The following LPP variants were observed in gnomAD, a reference collection of about 807,000 sequenced individuals.
The protein encoded by LPP is LIM domain containing preferred translocation partner in lipoma, also known as lipoma-preferred partner.
In LPP, 38 loss-of-function variants were observed where a neutral mutation model predicts 60.4. The observed-to-expected ratio is 0.63, with a 90% CI of 0.49 to 0.83. The LOEUF is 0.83. Ranked by LOEUF, LPP falls within the 40% of genes least tolerant of loss-of-function variation. The pLI is 0.00. For synonymous variants in LPP, 328 were observed against 290.8 expected, an observed-to-expected ratio of 1.13 and a Z score of -1.30; for missense variants, 902 against 783.6, an observed-to-expected ratio of 1.15 and a Z score of -1.80.
In LPP at chr3:188,764,674, T is replaced by C. The variant is rs190516796; in HGVS notation, c.1410+4392T>C. ...ACAGCCTTACTCATAAGTATAGTTT[T>C]AGAAAAAGAATTGCTGTTTTATTCC... is the stretch of plus-strand genomic sequence containing the variant. On this transcript the variant is annotated intron_variant, in intron 9 of 11. Transcript: ENST00000617246. Among the ~76,000 whole-genome samples the C allele has an allele frequency of 1.5e-3, 233 of 152,310 alleles. 1 individual carries two copies. The highest frequency in any genetic ancestry group is 5.2e-3 in the African/African-American group (215 of 41,566).
At chr3:188,774,431 C>G in intron 9 of LPP, among the ~76,000 whole-genome samples, 1 of 29,866 alleles carries the variant, frequency 3.3e-5, no homozygotes, top group South Asian at 2.0e-3. Flanking sequence ...GGAGCAAACT[C>G]ATTTTTTTTT....
Position 188,314,022 on chromosome 3 carries a change from AT to A in LPP, c.-66-27633del, listed in dbSNP as rs925449893. 5.9e-5 allele frequency among the ~76,000 whole-genome samples: 9 copies of A among 152,012 alleles called. 1 individual carries two copies. The highest frequency in any genetic ancestry group is 2.0e-4 in the Admixed American group (3 of 15,256). ...TCATTATTTGAATAATTTTAGATAA[AT>A]TTTTTTTGAGTTTCTAGTTAAGTAA... On this transcript the variant is annotated intron_variant, in intron 2 of 11. Coordinates refer to ENST00000617246, the MANE Select transcript of LPP (RefSeq NM_001375462.1).
At chr3:188,518,951 G>A (rs964728520) in intron 5 of LPP, among the ~76,000 whole-genome samples, 1 of 151,870 alleles carries the variant, frequency 6.6e-6, no homozygotes, top group Non-Finnish European at 1.5e-5. Context: ...CCTTGAAACC[G>A]AAATGAATAC....
intron 2 of LPP, among the ~76,000 whole-genome samples, chr3:188,318,355 T>C (rs1290555590): frequency 6.6e-6 from 1 of 151,348 alleles, no homozygotes; most frequent in African/African-American, 2.4e-5. Context: ...ACGTGGTTTC[T>C]ATGACACTCA....
At chr3:188,290,424 C>T (rs1006734913) in intron 2 of LPP, among the ~76,000 whole-genome samples, 3 of 152,080 alleles carry the variant, frequency 2.0e-5, no homozygotes, top group African/African-American at 7.2e-5. Flanking sequence ...AATGGGCTTA[C>T]ATCATAGGGT....
At chr3:188,489,505 G>C (rs1012937583) in intron 5 of LPP, among the ~76,000 whole-genome samples, 1 of 152,204 alleles carries the variant, frequency 6.6e-6, no homozygotes, top group Non-Finnish European at 1.5e-5. Context: ...AGAGCTCAAA[G>C]TAAGTGTGGT....
chr3:188,828,632 A>AAAAAAAAAAAAAAAAAAC (rs1756291022), intron 9 of LPP, among the ~76,000 whole-genome samples: 4 of 147,894 alleles, frequency 2.7e-5, no homozygotes, highest in Admixed American at 2.0e-4. Flanking sequence ...AAAAAAAAAA[A>AAAAAAAAAAAAAAAAAAC]AAAAAAAACT....
chr3:188,735,408 T>C (rs1235809402), intron 8 of LPP, among the ~76,000 whole-genome samples: 1 of 152,016 alleles, frequency 6.6e-6, no homozygotes, highest in Non-Finnish European at 1.5e-5. Context: ...TGAGACGAAG[T>C]CTTGCTCTCA....
chr3:188,163,539 T>C (rs999617248), intron 1 of LPP, among the ~76,000 whole-genome samples: 3 of 152,018 alleles, frequency 2.0e-5, no homozygotes, highest in Non-Finnish European at 4.4e-5. Context: ...TACTTATAGG[T>C]GAATATTGAG....
intron 7 of LPP, among the ~76,000 whole-genome samples, chr3:188,682,594 G>A (rs1228240999): frequency 1.3e-5 from 2 of 152,174 alleles, no homozygotes; most frequent in East Asian, 3.9e-4. Context: ...TGGAGAGCAG[G>A]CATTTCAGGA....
chr3:188,659,485 G>A (rs73196721), intron 7 of LPP, among the ~76,000 whole-genome samples: 470 of 152,212 alleles, frequency 3.1e-3, no homozygotes, highest in Admixed American at 6.9e-3. Context: ...ATCCAGGGTG[G>A]CCTTTAATAT....
chr3:188,835,789 A>G (rs4686493), intron 9 of LPP, among the ~76,000 whole-genome samples: 53,260 of 152,078 alleles, frequency 0.35, 11,244 homozygotes, highest in East Asian at 0.84. Context: ...GGCTGTGCCC[A>G]TTCTTACCTA....
intron 4 of LPP, among the ~76,000 whole-genome samples, chr3:188,464,271 A>G (rs1175759799): frequency 6.6e-6 from 1 of 152,218 alleles, no homozygotes; most frequent in Non-Finnish European, 1.5e-5. Flanking sequence ...CAGTATGACT[A>G]AATCTGAAAG....
intron 3 of LPP, among the ~76,000 whole-genome samples, chr3:188,366,873 A>G (rs1391403851): frequency 6.6e-6 from 1 of 151,488 alleles, no homozygotes; most frequent in Non-Finnish European, 1.5e-5. Context: ...ATGTCTTCTC[A>G]CTGTTTTGCT....
Position 188,885,756 on chromosome 3 carries a change from CA to C in LPP, c.*11278del, listed in dbSNP as rs931501580. On this transcript the variant is annotated 3_prime_UTR_variant, in exon 12 of 12. Transcript: ENST00000617246. ...TTGAACTAGTTCACAGTCCCACCAACAGTGTAAAAGTGTTCTTATTTCTCCA... is the reference window on the plus strand; with the variant it reads ...TTGAACTAGTTCACAGTCCCACCAACGTGTAAAAGTGTTCTTATTTCTCCA... The C allele has an allele frequency of 2.4e-4, 36 of 152,366 alleles. No homozygotes were observed. The highest frequency in any genetic ancestry group is 8.2e-4 in the African/African-American group (34 of 41,566). 9.4% of individuals were successfully genotyped at this position (152,366 alleles called of 1,614,324 possible).
chr3:188,681,854 G>T (rs1341274743), intron 7 of LPP, among the ~76,000 whole-genome samples: 1 of 152,172 alleles, frequency 6.6e-6, no homozygotes, highest in Non-Finnish European at 1.5e-5. Flanking sequence ...TTTAATGTGT[G>T]TGCATATTGT....
chr3:188,466,837 A>ATATATATATATATATG (rs1800578184), intron 4 of LPP, among the ~76,000 whole-genome samples: 1 of 138,024 alleles, frequency 7.2e-6, no homozygotes, highest in African/African-American at 2.7e-5. Flanking sequence ...ATATATATAT[A>ATATATATATATATATG]TATATGCTGT....
At chr3:188,242,481 A>G (rs2149481067) in intron 2 of LPP, among the ~76,000 whole-genome samples, 1 of 152,284 alleles carries the variant, frequency 6.6e-6, no homozygotes, top group African/African-American at 2.4e-5. Context: ...GCTCTGTCAT[A>G]GCCACCTGTG....
intron 9 of LPP, among the ~76,000 whole-genome samples, chr3:188,816,378 T>C (rs1752510358): frequency 1.3e-5 from 2 of 152,106 alleles, no homozygotes; most frequent in Admixed American, 1.3e-4. Context: ...ATTTTTTATA[T>C]TTTTAGTAGA....
Sources: gnomAD v4.1 joint callset for allele counts (sites outside exome capture counted in the v4.1 genomes callset) on GRCh38, gnomAD v4.1.1 for gene constraint, MANE v1.5 for transcripts, NCBI Gene and HGNC (gene_info 2026-07-23, HGNC 2026-07-21) for gene names.